The following ZBTB20 variants were observed in gnomAD, a reference collection of about 807,000 sequenced individuals.
The protein encoded by ZBTB20 is zinc finger and BTB domain-containing protein 20.
A neutral mutation model predicts 56.9 loss-of-function variants in ZBTB20; 9 were observed. The observed-to-expected ratio is 0.16, with a 90% CI of 0.10 to 0.28. The LOEUF (loss-of-function observed/expected upper bound fraction) is 0.28, where lower values mean the gene tolerates loss of function less well. ZBTB20 is among the 10% of genes least tolerant of loss of function. ZBTB20 has a pLI of 1.00. For missense variants in ZBTB20, 655 were observed against 1,003.0 expected, an observed-to-expected ratio of 0.65 and a Z score of 4.69; for synonymous variants, 417 against 420.7, an observed-to-expected ratio of 0.99 and a Z score of 0.11.
intron 7 of ZBTB20, among the ~76,000 whole-genome samples, chr3:114,470,654 G>A (rs1487741979): frequency 6.6e-6 from 1 of 152,090 alleles, no homozygotes; most frequent in Non-Finnish European, 1.5e-5. Flanking sequence ...CTTTTACCAA[G>A]GTGATTTAGT....
At chr3:114,751,096 T>A (rs1560206634) in intron 5 of ZBTB20, among the ~76,000 whole-genome samples, 3 of 152,164 alleles carry the variant, frequency 2.0e-5, no homozygotes, top group Non-Finnish European at 4.4e-5. Flanking sequence ...GTGTCAAACA[T>A]TAGCAAAGCA....
intron 2 of ZBTB20, among the ~76,000 whole-genome samples, chr3:115,049,305 ATCTGG>A (rs1199639399): frequency 1.3e-5 from 2 of 152,170 alleles, no homozygotes; most frequent in African/African-American, 4.8e-5. Context: ...GAAAAGGAGT[ATCTGG>A]TGGTTACTTT....
intron 2 of ZBTB20, among the ~76,000 whole-genome samples, chr3:115,019,516 T>C (rs2080118450): frequency 6.6e-6 from 1 of 151,308 alleles, no homozygotes; most frequent in Non-Finnish European, 1.5e-5. Context: ...TAATACATAC[T>C]GAAATGGTCT....
intron 7 of ZBTB20, among the ~76,000 whole-genome samples, chr3:114,433,456 A>C (rs1429853003): frequency 6.6e-6 from 1 of 152,200 alleles, no homozygotes; most frequent in Non-Finnish European, 1.5e-5. Flanking sequence ...ATAAACTGGA[A>C]AGAAAAAACA....
chr3:114,397,110 T>TA (rs2086396413), intron 7 of ZBTB20, among the ~76,000 whole-genome samples: 1 of 152,178 alleles, frequency 6.6e-6, no homozygotes, highest in South Asian at 2.1e-4. Context: ...TTCCTTCCTT[T>TA]TCTAACTTTC....
intron 4 of ZBTB20, among the ~76,000 whole-genome samples, chr3:114,839,119 GGCTTGCCTC>G (rs1394585031): frequency 6.6e-6 from 1 of 152,094 alleles, no homozygotes; most frequent in Non-Finnish European, 1.5e-5. Flanking sequence ...TTCAAAGATA[GGCTTGCCTC>G]GCTGTCTCAT....
At chr3:114,952,364 T>G (rs1392436517) in intron 3 of ZBTB20, among the ~76,000 whole-genome samples, 1 of 152,098 alleles carries the variant, frequency 6.6e-6, no homozygotes, top group Non-Finnish European at 1.5e-5. Flanking sequence ...ATCACCCTTG[T>G]TAGATGCTAG....
intron 10 of ZBTB20, among the ~76,000 whole-genome samples, chr3:114,365,805 GCCATATTGCTATTAGAATTAAAA>G (rs1560143130): frequency 6.6e-6 from 1 of 152,136 alleles, no homozygotes; most frequent in East Asian, 1.9e-4. Flanking sequence ...AAGTTGACCT[GCCATATTGCTATTAGAATTAAAA>G]CATGTAGCAG....
chr3:114,745,751 A>G (rs1001525693), intron 5 of ZBTB20, among the ~76,000 whole-genome samples: 1 of 152,196 alleles, frequency 6.6e-6, no homozygotes, highest in African/African-American at 2.4e-5. Context: ...AGAATAGGAA[A>G]ATGGAGAGAG....
At chr3:114,757,887 T>G (rs949215739) in intron 5 of ZBTB20, among the ~76,000 whole-genome samples, 3 of 152,094 alleles carry the variant, frequency 2.0e-5, no homozygotes, top group Non-Finnish European at 4.4e-5. Context: ...GATTACCAGA[T>G]TTTCCATTTT....
chr3:114,535,703 A>G (rs1240742779), intron 6 of ZBTB20, among the ~76,000 whole-genome samples: 1 of 152,222 alleles, frequency 6.6e-6, no homozygotes, highest in Non-Finnish European at 1.5e-5. Context: ...GGAGAATTTA[A>G]GGCCAATATC....
chr3:115,128,393 G>C (rs1445100158), intron 1 of ZBTB20, among the ~76,000 whole-genome samples: 2 of 152,194 alleles, frequency 1.3e-5, no homozygotes, highest in East Asian at 3.9e-4. Flanking sequence ...CCTGCATGTA[G>C]TGACTCACAC....
chr3:114,589,380 C>T (rs562907604), intron 6 of ZBTB20, among the ~76,000 whole-genome samples: 14 of 152,180 alleles, frequency 9.2e-5, no homozygotes, highest in South Asian at 2.1e-4. Context: ...TCTGACAAGC[C>T]GGGGAGAAAT....
chr3:114,610,144 G>A (rs545517377), intron 6 of ZBTB20, among the ~76,000 whole-genome samples: 1 of 152,266 alleles, frequency 6.6e-6, no homozygotes, highest in Admixed American at 6.5e-5. Context: ...CGCAGTTCTT[G>A]CCCATCAAAG....
intron 6 of ZBTB20, among the ~76,000 whole-genome samples, chr3:114,538,293 C>A (rs114295131): frequency 0.027 from 4,037 of 152,170 alleles, 134 homozygotes; most frequent in African/African-American, 0.074. Flanking sequence ...TAATCGGCTG[C>A]TTTGATTTCT....
At chr3:114,366,313 C>T (rs2082392156) in intron 10 of ZBTB20, among the ~76,000 whole-genome samples, 1 of 151,866 alleles carries the variant, frequency 6.6e-6, no homozygotes, top group Non-Finnish European at 1.5e-5. Flanking sequence ...AAATCTCTCT[C>T]TTTCCATTGT....
intron 7 of ZBTB20, among the ~76,000 whole-genome samples, chr3:114,406,096 G>C (rs1469905606): frequency 1.3e-5 from 2 of 151,868 alleles, no homozygotes; most frequent in Non-Finnish European, 2.9e-5. Flanking sequence ...CTTTTGGAAA[G>C]GATAAAGTTG....
intron 5 of ZBTB20, among the ~76,000 whole-genome samples, chr3:114,699,635 C>T (rs953894183): frequency 1.3e-5 from 2 of 152,084 alleles, no homozygotes; most frequent in African/African-American, 4.8e-5. Flanking sequence ...CTTGTTAATT[C>T]TGTAGGACTG....
Position 114,817,192 on chromosome 3 carries a change from T to C in ZBTB20, c.-416-16018A>G, listed in dbSNP as rs552550692. Among the ~76,000 whole-genome samples, 688 of 145,864 alleles carry C rather than the reference T, an allele frequency of 4.7e-3. 3 individuals carry two copies. The highest frequency in any genetic ancestry group is 0.018 in the South Asian group (79 of 4,492). ...ATATGAAATATATTTATACAACTTA[T>C]ACACACACACACACACACACACACA... On this transcript the variant is annotated intron_variant, in intron 4 of 11. Coordinates refer to ENST00000675478, the MANE Select transcript of ZBTB20 (RefSeq NM_001348800.3).
Sources: gnomAD v4.1 joint callset for allele counts (sites outside exome capture counted in the v4.1 genomes callset) on GRCh38, gnomAD v4.1.1 for gene constraint, MANE v1.5 for transcripts, NCBI Gene and HGNC (gene_info 2026-07-23, HGNC 2026-07-21) for gene names.